Variants in STARD5 observed in about 807,000 individuals in gnomAD.
STARD5 encodes StAR related lipid transfer domain containing 5.
STARD5 carries 26 observed loss-of-function variants against 24.6 expected under a neutral mutation model. That is an observed-to-expected ratio of 1.06 (90% confidence interval 0.77 to 1.47). The LOEUF (loss-of-function observed/expected upper bound fraction) is 1.47, where lower values mean the gene tolerates loss of function less well. Ranked by LOEUF, STARD5 falls within the 40% of genes most tolerant of loss-of-function variation. The pLI is 0.00. For synonymous variants in STARD5, 101 were observed against 99.7 expected, an observed-to-expected ratio of 1.01 and a Z score of -0.07; for missense variants, 254 against 270.8, an observed-to-expected ratio of 0.94 and a Z score of 0.44.
In STARD5 at chr15:81,313,268, T is replaced by C; in HGVS notation, c.630A>G (p.Gln210=). 1 of 1,570,792 alleles carries C rather than the reference T, an allele frequency of 6.4e-7. No homozygotes were observed. The highest frequency in any genetic ancestry group is 8.6e-7 in the Non-Finnish European group (1 of 1,158,476). Residue 210 remains glutamine (Q), a synonymous_variant, in exon 6 of 6, where the codon CAA becomes CAG. Transcript: ENST00000302824. ...FYANLQKAVK[Q]FHE is the part of the protein sequence containing the mutation. ...AGTAACGATAGCATTACTCATGGAA[T>C]TGCTTCACTGCTTTCTGAAGGTTGG...
At chr15:81,323,657 T>G in intron 1 of STARD5, 1 of 1,203,130 alleles carries the variant, frequency 8.3e-7, no homozygotes. Flanking sequence ...CATTCTTTCA[T>G]TTTGTTTTGT....
At position 81,318,059 on chromosome 15, in the gene STARD5, C is replaced by T. The variant is rs576008472; in HGVS notation, c.494+350G>A. ...CGGAGCACAGACCCTGCCCTGCCAACCTCCTAGCCTTTGAGTCAGGACACA... is the reference window on the plus strand; with the variant it reads ...CGGAGCACAGACCCTGCCCTGCCAATCTCCTAGCCTTTGAGTCAGGACACA... On this transcript the variant is annotated intron_variant, in intron 5 of 5. Transcript: ENST00000302824. Among the ~76,000 whole-genome samples, 4 of 152,290 alleles carry T rather than the reference C, an allele frequency of 2.6e-5. No individual in the cohort carries two copies. In the South Asian group the frequency reaches 6.2e-4, roughly 24 times the overall value.
chr15:81,324,127 G>C lies in STARD5; in HGVS notation c.-28C>G. 7.6e-7 allele frequency: 1 copy of C among 1,319,368 alleles called. No individual in the cohort carries two copies. The highest frequency in any genetic ancestry group is 9.7e-7 in the Non-Finnish European group (1 of 1,025,688). 81.7% of individuals were successfully genotyped at this position (1,319,368 alleles called of 1,614,324 possible). On this transcript the variant is annotated 5_prime_UTR_variant, in exon 1 of 6. Transcript: ENST00000302824. ...CGTCGGGAGCTGCGCTTAGCTGCGG[G>C]GTCGCGGGTGTTATGAGCGGCGGCG... is the stretch of plus-strand genomic sequence containing the variant.
At position 81,309,716 on chromosome 15, in the gene STARD5, G is replaced by A. The variant is rs534894361; in HGVS notation, c.*3540C>T. On this transcript the variant is annotated 3_prime_UTR_variant, in exon 6 of 6. Transcript: ENST00000302824. Reference sequence around the variant, plus strand: ...AGCTCAAAGCGTGGACAGGTGTGCCGACAGAAGGAACCAGCGTGTATATGA... The same window carrying A: ...AGCTCAAAGCGTGGACAGGTGTGCCAACAGAAGGAACCAGCGTGTATATGA... 1 of 152,366 alleles carries A rather than the reference G, an allele frequency of 6.6e-6. No homozygotes were observed. Among genetic ancestry groups the A allele is most frequent in the African/African-American group, 2.4e-5 (1 of 41,560 alleles). 9.4% of individuals were successfully genotyped at this position (152,366 alleles called of 1,614,324 possible). A position where few individuals can be genotyped will look rare whatever the true frequency, so the allele number is the denominator to read the frequency against.
At chr15:81,318,112 C>A (rs56371894) in intron 5 of STARD5, among the ~76,000 whole-genome samples, 3,415 of 152,228 alleles carry the variant, frequency 0.022, 55 homozygotes, top group Non-Finnish European at 0.031. Flanking sequence ...ACCTCAGTTT[C>A]CTCATTTGCT....
rs1364571623 is a variant in STARD5, at chr15:81,318,522, C to T, written c.401-20G>A. On this transcript the variant is annotated intron_variant, in intron 4 of 5. Transcript: ENST00000302824. ...GGGTGGCTGGAAGACAGTGCAGAAT[C>T]TCGGTGAGTTACAACTTCAGACGGT... 1 of 1,609,280 alleles carries T rather than the reference C, an allele frequency of 6.2e-7. No homozygotes were observed. Among genetic ancestry groups the T allele is most frequent in the Admixed American group, 1.7e-5 (1 of 59,956 alleles).
intron 3 of STARD5, among the ~76,000 whole-genome samples, chr15:81,319,719 A>G (rs897180700): frequency 2.0e-5 from 3 of 152,256 alleles, no homozygotes; most frequent in Admixed American, 6.5e-5. Flanking sequence ...TCATGTGACC[A>G]TAAGAGGTAC....
At chr15:81,323,838 T>G (rs777972250) in intron 1 of STARD5, 163 bp downstream of exon 1, 2 of 788,132 alleles carry the variant, frequency 2.5e-6, no homozygotes, top group African/African-American at 1.7e-5. Context: ...GGCCCAATCT[T>G]TTTTTTAAAG....
chr15:81,319,332 C>G lies in STARD5; in HGVS notation c.400+7G>C. ...AAGGCATGGCAGCTCCTCCGGGCATCACTCACCGTTGGAACTGATGGTCCC... is the reference window on the plus strand; with the variant it reads ...AAGGCATGGCAGCTCCTCCGGGCATGACTCACCGTTGGAACTGATGGTCCC... On this transcript the variant is annotated splice_region_variant and intron_variant, in intron 4 of 5. Transcript: ENST00000302824. 1 of 1,609,096 alleles carries G rather than the reference C, an allele frequency of 6.2e-7. No individual in the cohort carries two copies. The highest frequency in any genetic ancestry group is 8.5e-7 in the Non-Finnish European group (1 of 1,175,388).
In STARD5 at chr15:81,313,354, C is replaced by T. The variant is rs371611066; in HGVS notation, c.544G>A (p.Gly182Ser). 3.7e-5 allele frequency: 59 copies of T among 1,578,682 alleles called. No homozygotes were observed. The highest frequency in any genetic ancestry group is 2.0e-4 in the African/African-American group (15 of 73,522). The part of the protein sequence containing the change: ...LVTFFHTDLS[G>S]YLPQNVVDSF... The stretch of plus-strand genomic sequence containing the variant: ...TCCACCACGTTCTGTGGGAGGTAAC[C>T]GCTGAGGTCGGTATGGAAGAATGTG... The change falls in exon 6 of 6, where the codon GGT becomes AGT. Residue 182 changes from glycine (G) to serine (S), a missense_variant. By Grantham distance (56) the Gly-to-Ser change is moderately conservative. Coordinates refer to ENST00000302824, the MANE Select transcript of STARD5 (RefSeq NM_181900.3).
Position 81,322,925 on chromosome 15 carries a change from C to T in STARD5, c.123G>A (p.Arg41=). The T allele has an allele frequency of 6.2e-7, 1 of 1,614,140 alleles. No homozygotes were observed. Among genetic ancestry groups the T allele is most frequent in the Non-Finnish European group, 8.5e-7 (1 of 1,180,020 alleles). ...GGTTCCCTGGAAACTCCACAGATGG[C>T]CTCCAGGAAACTGAAACTCCATTCT... is the stretch of plus-strand genomic sequence containing the variant. ...REGNGVSVSW[R]PSVEFPGNLY... The change falls in exon 2 of 6, where the codon AGG becomes AGA. Residue 41 remains arginine (R), a synonymous_variant. Coordinates refer to ENST00000302824, the MANE Select transcript of STARD5 (RefSeq NM_181900.3).
chr15:81,321,608 C>CA (rs33955634), intron 3 of STARD5, among the ~76,000 whole-genome samples: 41,257 of 137,638 alleles, frequency 0.3, 6,560 homozygotes, highest in African/African-American at 0.45. Context: ...GATTCCGTCT[C>CA]AAAAAAAAAA....
rs1900758003 is a variant in STARD5, at chr15:81,309,748, CAAAT to C, written c.*3504_*3507del. 1 of 152,344 alleles carries C rather than the reference CAAAT, an allele frequency of 6.6e-6. No individual in the cohort carries two copies. Among genetic ancestry groups the C allele is most frequent in the East Asian group, 1.9e-4 (1 of 5,182 alleles). 9.4% of individuals were successfully genotyped at this position (152,344 alleles called of 1,614,324 possible). On this transcript the variant is annotated 3_prime_UTR_variant, in exon 6 of 6. Coordinates refer to ENST00000302824, the MANE Select transcript of STARD5 (RefSeq NM_181900.3). ...GGAACCAGCGTGTATATGAGGGTAT[CAAAT>C]AAAATTGCTACTACTTACCTACCAC...
At chr15:81,322,284 C>T in intron 3 of STARD5, 124 bp downstream of exon 3, 1 of 1,296,360 alleles carries the variant, frequency 7.7e-7, no homozygotes, top group Non-Finnish European at 1.1e-6. Context: ...AGTGGGCAGC[C>T]TGTGCTTGCA....
intron 1 of STARD5, 165 bp downstream of exon 1, chr15:81,323,836 C>CTT (rs148236522): frequency 1.3e-5 from 10 of 773,524 alleles, no homozygotes; most frequent in Non-Finnish European, 1.9e-5. Context: ...CAGGCCCAAT[C>CTT]TTTTTTTTAA....
chr15:81,319,641 A>T (rs8024824), intron 3 of STARD5, among the ~76,000 whole-genome samples, 185 bp from the exon 4 acceptor site: 13,520 of 152,238 alleles, frequency 0.089, 971 homozygotes, highest in African/African-American at 0.2. Context: ...AGTTTGTAAG[A>T]CGAGGGCTGT....
chr15:81,313,076 G>T lies in STARD5; in HGVS notation c.*180C>A. 1 of 609,046 alleles carries T rather than the reference G, an allele frequency of 1.6e-6. No homozygotes were observed. The highest frequency in any genetic ancestry group is 2.5e-6 in the Non-Finnish European group (1 of 392,350). The allele number at this position is 609,046 out of a possible 1,614,324, so 37.7% of individuals were successfully genotyped here. A position where few individuals can be genotyped will look rare whatever the true frequency, so the allele number is the denominator to read the frequency against. On this transcript the variant is annotated 3_prime_UTR_variant, in exon 6 of 6. Transcript: ENST00000302824. ...CTCATCACACGCCAACCCTGAGTGG[G>T]GCAGGAGGCAGGAAGGGTGGGCTGC...
At chr15:81,323,483 G>C (rs1893329262) in intron 1 of STARD5, 2 of 450,934 alleles carry the variant, frequency 4.4e-6, no homozygotes, top group Non-Finnish European at 8.2e-6. Flanking sequence ...GTAATGAAAA[G>C]TCAGAAGGGT....
rs1447350423 is a variant in STARD5 at position 81,312,313 on chromosome 15, G to A, written c.*943C>T. 6.6e-6 allele frequency: 1 copy of A among 152,290 alleles called. No individual in the cohort carries two copies. Among genetic ancestry groups the A allele is most frequent in the African/African-American group, 2.4e-5 (1 of 41,472 alleles). The allele number at this position is 152,290 out of a possible 1,614,324, so 9.4% of individuals were successfully genotyped here. ...GTACAGTCTTGCAGCAGGATCTAGAGGGGGGATTTCCAGCCAGGGCTGCTA... is the reference window on the plus strand; with the variant it reads ...GTACAGTCTTGCAGCAGGATCTAGAAGGGGGATTTCCAGCCAGGGCTGCTA... On this transcript the variant is annotated 3_prime_UTR_variant, in exon 6 of 6. Coordinates refer to ENST00000302824, the MANE Select transcript of STARD5 (RefSeq NM_181900.3).
Sources: allele counts gnomAD v4.1 joint callset (sites outside exome capture counted in the v4.1 genomes callset), GRCh38; gene constraint gnomAD v4.1.1; transcripts MANE v1.5; gene names NCBI Gene and HGNC (gene_info 2026-07-23, HGNC 2026-07-21).